Variants in CUL3 observed in about 807,000 individuals in gnomAD.
CUL3 encodes cullin 3, also known as cullin-3.
CUL3 carries 19 observed loss-of-function variants against 89.1 expected under a neutral mutation model. That is an observed-to-expected ratio of 0.21 (90% CI 0.15 to 0.31). The LOEUF (loss-of-function observed/expected upper bound fraction) is 0.31, where lower values mean the gene tolerates loss of function less well. Among genes scored for constraint, CUL3 ranks in the 10% least tolerant of loss-of-function variants. CUL3 has a pLI of 1.00. For missense variants in CUL3, 469 were observed against 942.3 expected, an observed-to-expected ratio of 0.50 and a Z score of 6.58; for synonymous variants, 351 against 308.4, an observed-to-expected ratio of 1.14 and a Z score of -1.45.
chr2:224,562,850 A>T (rs538424305), intron 1 of CUL3: 55 of 163,706 alleles, frequency 3.4e-4, no homozygotes, highest in Non-Finnish European at 5.8e-4. Context: ...CTGGTAGAGA[A>T]CATGGGTTTT....
intron 1 of CUL3, among the ~76,000 whole-genome samples, chr2:224,584,180 G>A (rs780872122): frequency 6.6e-5 from 10 of 152,150 alleles, no homozygotes; most frequent in East Asian, 1.9e-4. Context: ...GTCACTGAAA[G>A]CGATGAAACA....
chr2:224,526,072 G>C (rs1245830528), intron 3 of CUL3, among the ~76,000 whole-genome samples: 2 of 152,158 alleles, frequency 1.3e-5, no homozygotes, highest in African/African-American at 4.8e-5. Flanking sequence ...AAGGATCTAT[G>C]ACTCCCAAAA....
chr2:224,483,167 G>A (rs1017470094), intron 13 of CUL3, among the ~76,000 whole-genome samples: 1 of 152,082 alleles, frequency 6.6e-6, no homozygotes, highest in Admixed American at 6.5e-5. Context: ...CAGAAAATAG[G>A]TGCTATTATT....
chr2:224,500,108 G>T, intron 11 of CUL3: 1 of 331,624 alleles, frequency 3.0e-6, no homozygotes, highest in Non-Finnish European at 5.7e-6. Context: ...CATTTTTACT[G>T]CTGCTCTAAA....
rs904483934 is a variant in CUL3, at chr2:224,473,317, A to G, written c.*928T>C. The G allele has an allele frequency of 1.5e-5, 3 of 193,586 alleles. No homozygotes were observed. Among genetic ancestry groups the G allele is most frequent in the Admixed American group, 1.2e-4 (2 of 16,342 alleles). 12.0% of individuals were successfully genotyped at this position (193,586 alleles called of 1,614,324 possible). A position where few individuals can be genotyped will look rare whatever the true frequency, so the allele number is the denominator to read the frequency against. On this transcript the variant is annotated 3_prime_UTR_variant, in exon 16 of 16. Transcript: ENST00000264414. ...GGGAGGACCTAGGGTATTTATAAACAAAGTATAGACTGTATGTGCTTTTCA... is the reference window on the plus strand; with the variant it reads ...GGGAGGACCTAGGGTATTTATAAACGAAGTATAGACTGTATGTGCTTTTCA...
At chr2:224,579,143 A>G (rs1458736394) in intron 1 of CUL3, among the ~76,000 whole-genome samples, 1 of 152,236 alleles carries the variant, frequency 6.6e-6, no homozygotes, top group African/African-American at 2.4e-5. Context: ...TACTTTGTTA[A>G]TAACAACCGT....
chr2:224,542,755 C>T (rs778637532), intron 2 of CUL3, among the ~76,000 whole-genome samples: 12 of 152,048 alleles, frequency 7.9e-5, no homozygotes, highest in Non-Finnish European at 1.6e-4. Flanking sequence ...AAATTAATGT[C>T]CAAGCTGCAA....
chr2:224,486,853 A>AAGGGCAGCCAGAAAGGTC (rs1691743762), intron 13 of CUL3, among the ~76,000 whole-genome samples: 1 of 152,226 alleles, frequency 6.6e-6, no homozygotes, highest in East Asian at 1.9e-4. Flanking sequence ...AAAAAATGTT[A>AAGGGCAGCCAGAAAGGTC]AGGGCAGCCA....
At chr2:224,528,405 C>A (rs11688390) in intron 3 of CUL3, among the ~76,000 whole-genome samples, 1 of 152,080 alleles carries the variant, frequency 6.6e-6, no homozygotes, top group African/African-American at 2.4e-5. Flanking sequence ...TTACATCAGG[C>A]CCAGGGGAAC....
chr2:224,566,574 G>C (rs1695045156), intron 1 of CUL3, among the ~76,000 whole-genome samples: 1 of 152,148 alleles, frequency 6.6e-6, no homozygotes, highest in South Asian at 2.1e-4. Flanking sequence ...TGATTTTCTT[G>C]ATGGTGTCTG....
At chr2:224,566,462 C>T (rs566183651) in intron 1 of CUL3, among the ~76,000 whole-genome samples, 1 of 152,346 alleles carries the variant, frequency 6.6e-6, no homozygotes, top group African/African-American at 2.4e-5. Context: ...CTAGTATGTG[C>T]TTCTCTCCTT....
chr2:224,571,082 T>A (rs549831521), intron 1 of CUL3, among the ~76,000 whole-genome samples: 3 of 152,190 alleles, frequency 2.0e-5, no homozygotes, highest in Non-Finnish European at 4.4e-5. Flanking sequence ...ATGTAAGTAC[T>A]CTCACTGAGG....
In CUL3 at chr2:224,478,323, G is replaced by A. The variant is rs61743301; in HGVS notation, c.2052C>T (p.Ser684=). Residue 684 remains serine (S), a synonymous_variant, in exon 15 of 16, where the codon TCC becomes TCT. Coordinates refer to ENST00000264414, the MANE Select transcript of CUL3 (RefSeq NM_003590.5). ...GCCTTGTTTCTTTCCTCTCTGGGTC[G>A]GATTCACCTTGTTTGGCAGCAACTA... The part of the protein sequence containing the change: ...IQTVAAKQGE[S]DPERKETRQK... The A allele has an allele frequency of 2.3e-3, 3,757 of 1,611,226 alleles. 75 individuals are homozygous for A. The African/African-American group carries it at 0.044, about 19-fold the overall frequency.
intron 10 of CUL3, among the ~76,000 whole-genome samples, 157 bp from the exon 11 acceptor site, chr2:224,500,644 T>C (rs79515577): frequency 1.4e-5 from 2 of 138,172 alleles, no homozygotes; most frequent in Non-Finnish European, 3.2e-5. Flanking sequence ...TTTTTTTTTT[T>C]GAGACAGAGT....
intron 2 of CUL3, among the ~76,000 whole-genome samples, chr2:224,553,382 A>G (rs1694587354): frequency 6.6e-6 from 1 of 152,238 alleles, no homozygotes; most frequent in African/African-American, 2.4e-5. Context: ...GAACATTTTC[A>G]GATGCCGGCA....
chr2:224,567,484 A>G (rs1695070986), intron 1 of CUL3, among the ~76,000 whole-genome samples: 1 of 152,086 alleles, frequency 6.6e-6, no homozygotes, highest in African/African-American at 2.4e-5. Context: ...TCACGCCTGT[A>G]ATCCCAGCAC....
At chr2:224,569,804 T>C in intron 1 of CUL3, 1 of 1,123,174 alleles carries the variant, frequency 8.9e-7, no homozygotes, top group South Asian at 1.9e-5. Context: ...AAGTCTTTAG[T>C]CCTCTGTGAA....
In CUL3 at chr2:224,538,945, T is replaced by C. The variant is rs115753718; in HGVS notation, c.265-3304A>G. ...TACTCACGAGGCTGAGGGGGTAGGA[T>C]TGTTTGATCCCAGGAGTTTGAGGCA... On this transcript the variant is annotated intron_variant, in intron 2 of 15. Transcript: ENST00000264414. Among the ~76,000 whole-genome samples, 471 of 152,208 alleles carry C rather than the reference T, an allele frequency of 3.1e-3. 2 individuals carry two copies. Among genetic ancestry groups the C allele is most frequent in the African/African-American group, 0.01 (429 of 41,528 alleles).
intron 13 of CUL3, among the ~76,000 whole-genome samples, chr2:224,486,007 G>A (rs1691706580): frequency 6.6e-6 from 1 of 152,252 alleles, no homozygotes; most frequent in East Asian, 1.9e-4. Context: ...CAGCAGACCT[G>A]CAGAAGAGAG....
Sources: allele counts gnomAD v4.1 joint callset (sites outside exome capture counted in the v4.1 genomes callset), GRCh38; gene constraint gnomAD v4.1.1; transcripts MANE v1.5; gene names NCBI Gene and HGNC (gene_info 2026-07-23, HGNC 2026-07-21).